THBS4: variants seen among roughly 807,000 people sequenced by gnomAD.
THBS4 encodes the protein thrombospondin 4, also known as thrombospondin-4.
THBS4 carries 90 observed loss-of-function variants against 115.7 expected under a neutral mutation model. The ratio of observed to expected loss-of-function variants is 0.78; its 90% CI spans 0.66 to 0.93. The LOEUF is 0.93. Among genes scored for constraint, THBS4 ranks in the 40% least tolerant of loss-of-function variants. The pLI, the probability that THBS4 is intolerant of heterozygous loss-of-function variation, is 0.00. For missense variants in THBS4, 1,087 were observed against 1,232.7 expected (o/e 0.88, Z 1.77); for synonymous variants, 460 against 479.3 (o/e 0.96, Z 0.53).
chr5:80,072,409 C>G lies in THBS4; in HGVS notation c.1839+13C>G. 1 of 1,605,578 alleles carries G rather than the reference C, an allele frequency of 6.2e-7. No homozygotes were observed. Among genetic ancestry groups the G allele is most frequent in the Non-Finnish European group, 8.5e-7 (1 of 1,172,530 alleles). On this transcript the variant is annotated intron_variant, in intron 14 of 21. Coordinates refer to ENST00000350881, the MANE Select transcript of THBS4 (RefSeq NM_003248.6). ...CAACCCTAACCAGGTTAGTAGGATA[C>G]TGGGGAATTCAAACTCCAGGCTGAA...
intron 20 of THBS4, among the ~76,000 whole-genome samples, chr5:80,080,634 A>G (rs575975867): frequency 8.0e-6 from 1 of 125,496 alleles, no homozygotes; most frequent in East Asian, 2.5e-4. Context: ...GTTGCCAGGC[A>G]GGAGTACTGT....
chr5:80,018,207 CTCTT>C (rs1477229766), intron 2 of THBS4, among the ~76,000 whole-genome samples: 3 of 151,876 alleles, frequency 2.0e-5, no homozygotes, highest in Admixed American at 6.6e-5. Context: ...TTTTCAAAAA[CTCTT>C]TCTTTTTCTC....
At chr5:80,014,733 A>G (rs1351239498) in intron 2 of THBS4, among the ~76,000 whole-genome samples, 2 of 152,188 alleles carry the variant, frequency 1.3e-5, no homozygotes, top group African/African-American at 4.8e-5. Context: ...TAGCCAAGGA[A>G]CTATGGAGTA....
chr5:80,028,561 C>T (rs911885630), intron 2 of THBS4, among the ~76,000 whole-genome samples: 8 of 151,812 alleles, frequency 5.3e-5, no homozygotes, highest in South Asian at 2.1e-4. Flanking sequence ...CGAGTTCAAG[C>T]GATTCTCCTG....
At chr5:80,064,522 A>G (rs1284425326) in intron 8 of THBS4, among the ~76,000 whole-genome samples, 3 of 152,244 alleles carry the variant, frequency 2.0e-5, no homozygotes, top group African/African-American at 7.2e-5. Flanking sequence ...AGAATAGGGC[A>G]ATGCCCCAAC....
At chr5:79,998,577 C>A (rs1180586261) in intron 2 of THBS4, 1 of 152,196 alleles carries the variant, frequency 6.6e-6, no homozygotes, top group Non-Finnish European at 1.5e-5. Flanking sequence ...TTGGTGAAAT[C>A]TGAATGAACT....
intron 2 of THBS4, among the ~76,000 whole-genome samples, chr5:80,046,872 G>A (rs774062179): frequency 1.3e-5 from 2 of 152,132 alleles, no homozygotes; most frequent in Non-Finnish European, 2.9e-5. Context: ...TATCGTGTTT[G>A]CAATTCAAAG....
intron 2 of THBS4, among the ~76,000 whole-genome samples, chr5:80,046,703 A>G (rs541508291): frequency 6.6e-6 from 1 of 152,198 alleles, no homozygotes; most frequent in Non-Finnish European, 1.5e-5. Context: ...GTCGCTTATT[A>G]TACCTTTCTA....
intron 2 of THBS4, among the ~76,000 whole-genome samples, chr5:80,003,487 C>T (rs1255943874): frequency 6.6e-6 from 1 of 152,154 alleles, no homozygotes; most frequent in African/African-American, 2.4e-5. Context: ...GATTGAGTAG[C>T]TCTCTACCTG....
rs547776054 is a variant in THBS4, at chr5:79,994,466, A to G, written n.81+3054A>G. ...TTATTTATGTAAATAATATTTGTTT[A>G]GTATTACACCATTAAACGAATTCAT... On this transcript the variant is annotated intron_variant and non_coding_transcript_variant, in intron 1 of 3. Transcript: ENST00000510218. Among the ~76,000 whole-genome samples the G allele has an allele frequency of 1.3e-4, 20 of 152,302 alleles. No individual in the cohort carries two copies. The South Asian group carries it at 3.9e-3, about 30-fold the overall frequency.
chr5:80,061,591 C>T, intron 7 of THBS4, 104 bp from the exon 8 acceptor site: 1 of 1,390,598 alleles, frequency 7.2e-7, no homozygotes, highest in Non-Finnish European at 9.6e-7. Context: ...TTTTTTCCAC[C>T]AAAAGATAGT....
intron 6 of THBS4, 51 bp from the exon 7 acceptor site, chr5:80,059,652 T>G: frequency 6.2e-7 from 1 of 1,606,246 alleles, no homozygotes; most frequent in Non-Finnish European, 8.5e-7. Flanking sequence ...TTTTGCCTTC[T>G]GTATATCTTC....
intron 2 of THBS4, among the ~76,000 whole-genome samples, chr5:80,027,457 CT>C (rs1401828272): frequency 6.6e-6 from 1 of 152,224 alleles, no homozygotes; most frequent in Admixed American, 6.5e-5. Flanking sequence ...CTCTCTCCCC[CT>C]GGACTTCCTG....
At chr5:80,016,692 G>A (rs897434003) in intron 2 of THBS4, among the ~76,000 whole-genome samples, 3 of 152,174 alleles carry the variant, frequency 2.0e-5, no homozygotes, top group African/African-American at 7.2e-5. Flanking sequence ...TATTGGCAAT[G>A]TGAGGTGATA....
chr5:79,996,223 A>C (rs1432752346), intron 1 of THBS4, among the ~76,000 whole-genome samples: 1 of 152,204 alleles, frequency 6.6e-6, no homozygotes, highest in Non-Finnish European at 1.5e-5. Flanking sequence ...ACAGTCGTAA[A>C]GGTCAAATGT....
At chr5:80,070,236 G>C in intron 10 of THBS4, 70 bp from the exon 11 acceptor site, 1 of 1,330,084 alleles carries the variant, frequency 7.5e-7, no homozygotes, top group South Asian at 1.4e-5. Flanking sequence ...GGAGCAGAGA[G>C]GCCCTTGTCA....
At chr5:80,080,577 A>ATATTTTTTTTTTTT (rs1743442985) in intron 20 of THBS4, among the ~76,000 whole-genome samples, 1 of 66,862 alleles carries the variant, frequency 1.5e-5, no homozygotes, top group Non-Finnish European at 3.0e-5. Context: ...CAGCGCTTGT[A>ATATTTTTTTTTTTT]TCTTTTTTTT....
At chr5:80,063,823 C>T (rs952479056) in intron 8 of THBS4, among the ~76,000 whole-genome samples, 1 of 152,226 alleles carries the variant, frequency 6.6e-6, no homozygotes, top group Non-Finnish European at 1.5e-5. Context: ...CTAAATTTAA[C>T]AGCAAATGTT....
At chr5:80,036,867 T>C (rs1243889492) in intron 1 of THBS4, among the ~76,000 whole-genome samples, 4 of 152,218 alleles carry the variant, frequency 2.6e-5, no homozygotes, top group Non-Finnish European at 5.9e-5. Flanking sequence ...AGACTGCCTA[T>C]GAGGGCGTTC....
Sources: allele counts gnomAD v4.1 joint callset (sites outside exome capture counted in the v4.1 genomes callset), GRCh38; gene constraint gnomAD v4.1.1; transcripts MANE v1.5; gene names NCBI Gene and HGNC (gene_info 2026-07-23, HGNC 2026-07-21).